The following CFAP251 variants were observed in gnomAD, a reference collection of about 807,000 sequenced individuals.
CFAP251 encodes the protein cilia and flagella associated protein 251, also known as cilia- and flagella-associated protein 251.
Under a neutral mutation model 126.7 loss-of-function variants are expected in CFAP251, and 93 were observed. That is an observed-to-expected ratio of 0.73 (90% CI 0.62 to 0.87). The LOEUF (loss-of-function observed/expected upper bound fraction) is 0.87. CFAP251 is among the 40% of genes least tolerant of loss of function. CFAP251 has a pLI of 0.00. For missense variants in CFAP251, 1,287 were observed against 1,389.2 expected, an observed-to-expected ratio of 0.93 and a Z score of 1.17; for synonymous variants, 503 against 506.9, an observed-to-expected ratio of 0.99 and a Z score of 0.10.
chr12:121,981,593 C>G (rs987926323), intron 19 of CFAP251, among the ~76,000 whole-genome samples: 1 of 152,232 alleles, frequency 6.6e-6, no homozygotes, highest in Non-Finnish European at 1.5e-5. Flanking sequence ...CTTTCAAACC[C>G]AGGTGCCCCT....
At chr12:121,965,813 T>A (rs1882099494) in intron 15 of CFAP251, among the ~76,000 whole-genome samples, 1 of 33,630 alleles carries the variant, frequency 3.0e-5, no homozygotes, top group Non-Finnish European at 6.2e-5. Flanking sequence ...TTCTCCTTCT[T>A]CTTCTTCTTT....
intron 19 of CFAP251, among the ~76,000 whole-genome samples, chr12:121,980,181 C>T (rs1297318990): frequency 6.6e-6 from 1 of 152,228 alleles, no homozygotes; most frequent in African/African-American, 2.4e-5. Context: ...GGCGTGGGCA[C>T]TCTCCTTCTT....
rs1882402192 is a variant in CFAP251, at chr12:121,974,241, C to T, written c.2772-1003C>T. ...TGTGAGACATGCCTTTCACCTTGCG[C>T]CATAATTGTGAGTCCTCCCCAGCCA... On this transcript the variant is annotated intron_variant, in intron 17 of 21. Transcript: ENST00000288912. This position sits in a 1 kb window ranked among gnomAD's most constrained non-coding sequence, Gnocchi z 4.6. 6.6e-6 allele frequency among the ~76,000 whole-genome samples: 1 copy of T among 152,156 alleles called. No individual in the cohort carries two copies. Among genetic ancestry groups the T allele is most frequent in the Non-Finnish European group, 1.5e-5 (1 of 68,044 alleles).
intron 20 of CFAP251, among the ~76,000 whole-genome samples, chr12:122,000,496 G>A (rs1883122869): frequency 6.7e-6 from 1 of 148,980 alleles, no homozygotes; most frequent in Non-Finnish European, 1.5e-5. Flanking sequence ...AGGTTGCAGT[G>A]AGCCAAGATC....
At chr12:121,926,077 G>A (rs1880402209) in intron 3 of CFAP251, among the ~76,000 whole-genome samples, 1 of 143,656 alleles carries the variant, frequency 7.0e-6, no homozygotes, top group South Asian at 2.2e-4. Context: ...GTGTTAGCCC[G>A]GATGGTCTTG....
rs1187590879 is a variant in CFAP251, at chr12:121,928,662, ATATATACG to A, written c.748-3077_748-3070del. Among the ~76,000 whole-genome samples, 54 of 47,332 alleles carry A rather than the reference ATATATACG, an allele frequency of 1.1e-3. 1 individual carries two copies. Among genetic ancestry groups the A allele is most frequent in the South Asian group, 1.8e-3 (3 of 1,710 alleles). The allele number at this position is 47,332 out of a possible 152,430, so 31.1% of individuals were successfully genotyped here. A position where few individuals can be genotyped will look rare whatever the true frequency, so the allele number is the denominator to read the frequency against. ...CGTATATATATATATATATACGTATATATATACGTATATATATATATATATACGTATAT... is the reference window on the plus strand; with the variant it reads ...CGTATATATATATATATATACGTATATATATATATATATATATACGTATAT... On this transcript the variant is annotated intron_variant, in intron 3 of 21. Coordinates refer to ENST00000288912, the MANE Select transcript of CFAP251 (RefSeq NM_144668.6).
At chr12:121,964,881 C>T (rs963335448) in intron 15 of CFAP251, among the ~76,000 whole-genome samples, 4 of 151,812 alleles carry the variant, frequency 2.6e-5, no homozygotes, top group South Asian at 2.1e-4. Context: ...CCAGCCTGGG[C>T]GACAGAGCTA....
chr12:121,952,240 TAAAAA>T (rs558861973), intron 9 of CFAP251, among the ~76,000 whole-genome samples: 5 of 92,084 alleles, frequency 5.4e-5, no homozygotes, highest in African/African-American at 1.2e-4. Flanking sequence ...TCGTTTCTAC[TAAAAA>T]AAAAAAAAAA....
intron 5 of CFAP251, among the ~76,000 whole-genome samples, chr12:121,941,743 T>A (rs543490073): frequency 1.3e-5 from 2 of 152,328 alleles, no homozygotes; most frequent in African/African-American, 4.8e-5. Flanking sequence ...AGTACCATGA[T>A]GACTGTGAAT....
chr12:121,964,440 C>T (rs1363795856), intron 15 of CFAP251, among the ~76,000 whole-genome samples: 3 of 152,162 alleles, frequency 2.0e-5, no homozygotes, highest in Non-Finnish European at 2.9e-5. Context: ...TGGCAGACCT[C>T]GGGCCTGAAG....
At chr12:121,945,888 A>G (rs1592976378) in intron 7 of CFAP251, among the ~76,000 whole-genome samples, 2 of 147,610 alleles carry the variant, frequency 1.4e-5, no homozygotes, top group Admixed American at 1.3e-4. Context: ...GGATGGTCTC[A>G]ATCTCCTGAC....
intron 3 of CFAP251, 126 bp downstream of exon 3, chr12:121,924,116 G>C: frequency 2.7e-6 from 3 of 1,096,988 alleles, no homozygotes; most frequent in Non-Finnish European, 3.7e-6. Flanking sequence ...TAATAGACTT[G>C]TGTTTTTTTT....
At chr12:121,968,878 C>T in intron 17 of CFAP251, 2 of 985,134 alleles carry the variant, frequency 2.0e-6, no homozygotes, top group African/African-American at 3.5e-5. Context: ...GTCTCTTCTT[C>T]CTGTAAGGGC....
At chr12:121,943,130 C>T (rs1207996311) in intron 7 of CFAP251, among the ~76,000 whole-genome samples, 155 bp downstream of exon 7, 1 of 152,116 alleles carries the variant, frequency 6.6e-6, no homozygotes, top group Admixed American at 6.5e-5. Flanking sequence ...CTGGCCAACA[C>T]AGTGAAACCC....
chr12:121,964,902 T>TA (rs1242672760), intron 15 of CFAP251, among the ~76,000 whole-genome samples: 4 of 151,764 alleles, frequency 2.6e-5, no homozygotes, highest in African/African-American at 4.8e-5. Flanking sequence ...GACTCTGTCT[T>TA]AAAAAAAATA....
chr12:121,928,626 G>GTA (rs57842636), intron 3 of CFAP251, among the ~76,000 whole-genome samples: 2 of 43,180 alleles, frequency 4.6e-5, no homozygotes, highest in Admixed American at 2.2e-4. Context: ...ATGTATATGT[G>GTA]TATATATATA....
At chr12:122,000,008 T>G (rs1006924831) in intron 20 of CFAP251, 64 bp downstream of exon 20, 3 of 1,443,400 alleles carry the variant, frequency 2.1e-6, no homozygotes, top group East Asian at 2.3e-5. Context: ...GAGAACTGAG[T>G]TTGGGGAGCC....
At chr12:121,969,255 T>C in intron 17 of CFAP251, 2 of 985,452 alleles carry the variant, frequency 2.0e-6, no homozygotes, top group South Asian at 4.7e-5. Context: ...CGGTTAAATC[T>C]GCTTTGGAAC....
At chr12:121,988,982 C>T (rs1882814366) in intron 19 of CFAP251, among the ~76,000 whole-genome samples, 1 of 152,102 alleles carries the variant, frequency 6.6e-6, no homozygotes, top group African/African-American at 2.4e-5. Context: ...ATGATCCACC[C>T]AACTTGGCCT....
Sources: allele counts gnomAD v4.1 joint callset (sites outside exome capture counted in the v4.1 genomes callset), GRCh38; gene constraint gnomAD v4.1.1; non-coding constraint Gnocchi (gnomAD v3.1); transcripts MANE v1.5; gene names NCBI Gene and HGNC (gene_info 2026-07-23, HGNC 2026-07-21).